Variants in NLRP11 observed in about 807,000 individuals in gnomAD.
The protein encoded by NLRP11 is NLR family pyrin domain containing 11, also known as NACHT, LRR and PYD domains-containing protein 11.
Under a neutral mutation model 79.3 loss-of-function variants are expected in NLRP11, and 53 were observed. That is an observed-to-expected ratio of 0.67 (90% confidence interval 0.54 to 0.84). The LOEUF (loss-of-function observed/expected upper bound fraction) is 0.84. Ranked by LOEUF, NLRP11 falls within the 40% of genes least tolerant of loss-of-function variation. NLRP11 has a pLI of 0.00. For missense variants in NLRP11, 1,264 were observed against 1,255.0 expected, an observed-to-expected ratio of 1.01 and a Z score of -0.11; for synonymous variants, 518 against 462.6, an observed-to-expected ratio of 1.12 and a Z score of -1.54.
At chr19:55,808,798 G>A in exon 3 of NLRP11, 1 of 1,610,574 alleles carries the variant, frequency 6.2e-7, no homozygotes, top group Non-Finnish European at 8.5e-7. Flanking sequence ...GTGGCTCTTT[G>A]TTTTGAAAGA....
intron 1 of NLRP11, among the ~76,000 whole-genome samples, chr19:55,831,359 C>T (rs528390588): frequency 5.9e-5 from 9 of 151,514 alleles, no homozygotes; most frequent in East Asian, 3.9e-4. Context: ...GTCAGGAGTT[C>T]GAGACCAGCC....
chr19:55,810,176 T>A, exon 3 of NLRP11: 1 of 1,614,040 alleles, frequency 6.2e-7, no homozygotes, highest in Non-Finnish European at 8.5e-7. Context: ...ATTGAGATTG[T>A]TTGCTGAATA....
chr19:55,796,287 C>T (rs373253718), intron 5 of NLRP11, 37 bp from the exon 6 acceptor site: 122 of 1,529,736 alleles, frequency 8.0e-5, no homozygotes, highest in East Asian at 3.4e-4. Context: ...GAGGCTCCCG[C>T]GTTTAAGCTA....
intron 5 of NLRP11, among the ~76,000 whole-genome samples, chr19:55,799,254 G>C (rs963204208): frequency 6.6e-6 from 1 of 151,636 alleles, no homozygotes; most frequent in Non-Finnish European, 1.5e-5. Context: ...GTGACAGCAA[G>C]ACTTTGTCTC....
Position 55,809,326 on chromosome 19 carries a change from A to C in NLRP11, c.1284T>G (p.Ser428=). 6.2e-7 allele frequency: 1 copy of C among 1,614,040 alleles called. No homozygotes were observed. Among genetic ancestry groups the C allele is most frequent in the Non-Finnish European group, 8.5e-7 (1 of 1,179,868 alleles). The change falls in exon 3 of 10, where the codon TCT becomes TCG. Residue 428 remains serine (S), a synonymous_variant. Transcript: ENST00000589093. This position sits in a 1 kb window ranked among gnomAD's most constrained non-coding sequence, Gnocchi z 4.5. ...AAAGAATATTCGCGGCCTGCAACACAGAGACATCAGCCTCAGTAAACCCAA... is the reference window on the plus strand; with the variant it reads ...AAAGAATATTCGCGGCCTGCAACACCGAGACATCAGCCTCAGTAAACCCAA...
At chr19:55,793,841 T>C (rs1187031549) in intron 6 of NLRP11, among the ~76,000 whole-genome samples, 3 of 152,168 alleles carry the variant, frequency 2.0e-5, no homozygotes, top group Non-Finnish European at 2.9e-5. Context: ...TTAAATTATA[T>C]GTACAAGTAA....
At chr19:55,821,430 T>C (rs969117829) in intron 1 of NLRP11, among the ~76,000 whole-genome samples, 1 of 152,186 alleles carries the variant, frequency 6.6e-6, no homozygotes, top group Admixed American at 6.5e-5. Flanking sequence ...GATTCTGCTT[T>C]GTAGCCCTCA....
chr19:55,788,704 C>T (rs1004212929), intron 9 of NLRP11, 103 bp downstream of exon 9: 13 of 778,854 alleles, frequency 1.7e-5, no homozygotes, highest in Non-Finnish European at 2.5e-5. Flanking sequence ...CACGCCACTG[C>T]ACTCCAGCCT....
At chr19:55,796,806 G>A (rs7245739) in intron 5 of NLRP11, among the ~76,000 whole-genome samples, 60,162 of 151,320 alleles carry the variant, frequency 0.4, 12,479 homozygotes, top group South Asian at 0.49. Context: ...CTCCTGCCTC[G>A]GCCTCCCGAG....
upstream of NLRP11, chr19:55,832,156 C>G (rs1451945193): frequency 6.6e-6 from 1 of 152,204 alleles, no homozygotes; most frequent in Non-Finnish European, 1.5e-5. Flanking sequence ...CCCCAATTGT[C>G]TTTCTTCACC....
At chr19:55,827,066 G>A (rs1332822792) in intron 1 of NLRP11, among the ~76,000 whole-genome samples, 1 of 145,210 alleles carries the variant, frequency 6.9e-6, no homozygotes, top group African/African-American at 2.7e-5. Flanking sequence ...CCAAAACAGA[G>A]ATATAGATCA....
At chr19:55,802,846 C>A (rs772120900) in intron 4 of NLRP11, among the ~76,000 whole-genome samples, 10 of 152,046 alleles carry the variant, frequency 6.6e-5, no homozygotes, top group Admixed American at 2.0e-4. Context: ...GAATAGAGAA[C>A]CCAGAAATGA....
rs561424521 is a variant in NLRP11 at position 55,807,862 on chromosome 19, C to A, written c.1994G>T (p.Arg665Leu). ...TTGATATAGTACTTACTTGAGTGTG[C>A]GAAGTTTACAGCTAGAATGCTCCAG... The change falls in exon 4 of 10, where the codon CGC (arginine) becomes CTC (leucine). Residue 665 changes from arginine (R) to leucine (L), a missense_variant. Coordinates refer to ENST00000589093, the Ensembl canonical transcript of NLRP11. 5 of 1,608,920 alleles carry A rather than the reference C, an allele frequency of 3.1e-6. No individual in the cohort carries two copies. Among genetic ancestry groups the A allele is most frequent in the East Asian group, 2.2e-5 (1 of 44,846 alleles).
intron 6 of NLRP11, among the ~76,000 whole-genome samples, chr19:55,794,403 G>C (rs1032919481): frequency 1.4e-4 from 21 of 152,076 alleles, no homozygotes; most frequent in African/African-American, 5.1e-4. Flanking sequence ...AACAAAATTA[G>C]CTCATATTGA....
At chr19:55,817,820 G>GA (rs10632108) in intron 2 of NLRP11, 84 bp downstream of exon 2, 78,742 of 827,472 alleles carry the variant, frequency 0.095, 454 homozygotes, top group African/African-American at 0.14. Context: ...AACCTATTTA[G>GA]AAAAAAAAAA....
chr19:55,807,724 A>G (rs1051806118), intron 4 of NLRP11, 129 bp downstream of exon 4: 2 of 591,652 alleles, frequency 3.4e-6, no homozygotes, highest in South Asian at 3.1e-5. Flanking sequence ...TGAGAAGTAC[A>G]GAAGGAGCCT....
chr19:55,818,080 C>A (rs749940136), exon 2 of NLRP11: 1 of 1,614,002 alleles, frequency 6.2e-7, no homozygotes, highest in East Asian at 2.2e-5. Context: ...AAGAATCTTG[C>A]GTGCCAGATA....
At chr19:55,816,396 G>A (rs1028741536) in intron 2 of NLRP11, among the ~76,000 whole-genome samples, 6 of 152,168 alleles carry the variant, frequency 3.9e-5, no homozygotes, top group African/African-American at 1.4e-4. Context: ...ATTGCTTTAT[G>A]TAAGAGAGAC....
chr19:55,835,721 G>A (rs1353809265), upstream of NLRP11, among the ~76,000 whole-genome samples: 1 of 149,584 alleles, frequency 6.7e-6, no homozygotes, highest in African/African-American at 2.5e-5. Flanking sequence ...AGTGGCTCAT[G>A]CCTGTAATTC....
Sources: gnomAD v4.1 joint callset for allele counts (sites outside exome capture counted in the v4.1 genomes callset) on GRCh38, gnomAD v4.1.1 for gene constraint, Gnocchi (gnomAD v3.1) non-coding constraint, MANE v1.5 for transcripts, NCBI Gene and HGNC (gene_info 2026-07-23, HGNC 2026-07-21) for gene names.